Variants in BMP8B observed in about 807,000 individuals in gnomAD.
BMP8B encodes bone morphogenetic protein 8b.
In BMP8B, 17 loss-of-function variants were observed where a neutral mutation model predicts 30.3. That is an observed-to-expected ratio of 0.56 (90% CI 0.38 to 0.84). The LOEUF (loss-of-function observed/expected upper bound fraction) is 0.84, where lower values mean the gene tolerates loss of function less well. Ranked by LOEUF, BMP8B falls within the 40% of genes least tolerant of loss-of-function variation. The pLI, the probability that BMP8B is intolerant of heterozygous loss-of-function variation, is 0.00. For missense variants in BMP8B, 253 were observed against 494.6 expected, an observed-to-expected ratio of 0.51 and a Z score of 4.63; for synonymous variants, 131 against 214.7, an observed-to-expected ratio of 0.61 and a Z score of 3.41.
At chr1:39,783,261 A>G (rs977493370) in intron 1 of BMP8B, among the ~76,000 whole-genome samples, 4 of 152,066 alleles carry the variant, frequency 2.6e-5, no homozygotes, top group Non-Finnish European at 5.9e-5. Context: ...TACCTTTCAT[A>G]TCTGCTCCTG....
intron 1 of BMP8B, among the ~76,000 whole-genome samples, chr1:39,777,457 A>C (rs1650309636): frequency 6.6e-6 from 1 of 152,138 alleles, no homozygotes; most frequent in African/African-American, 2.4e-5. Context: ...CAAACTTCGG[A>C]AGCAACCCCA....
chr1:39,769,455 CGG>C lies in BMP8B; in HGVS notation c.674-4640_674-4639del, dbSNP rs1649797034. 6.9e-6 allele frequency: 3 copies of C among 435,018 alleles called. No individual in the cohort carries two copies. In the Admixed American group the frequency reaches 1.2e-4, roughly 18 times the overall value. 26.9% of individuals were successfully genotyped at this position (435,018 alleles called of 1,614,324 possible). A position where few individuals can be genotyped will look rare whatever the true frequency, so the allele number is the denominator to read the frequency against. On this transcript the variant is annotated intron_variant, in intron 3 of 6. Coordinates refer to ENST00000372827, the MANE Select transcript of BMP8B (RefSeq NM_001720.5). ...TCTGTGTAAACATCACAGAGCAAAG[CGG>C]ACATCCATTCCTCACCACTGCAGAC...
chr1:39,759,734 T>G lies in BMP8B; in HGVS notation c.*685A>C, dbSNP rs1648687279. On this transcript the variant is annotated 3_prime_UTR_variant, in exon 7 of 7. Transcript: ENST00000372827. ...TCTCCAAAGTAAAATGTCCATGCTCTTACATGTCTTTCCTAGATGGCAGAG... is the reference window on the plus strand; with the variant it reads ...TCTCCAAAGTAAAATGTCCATGCTCGTACATGTCTTTCCTAGATGGCAGAG... 6.6e-6 allele frequency: 1 copy of G among 152,272 alleles called. No homozygotes were observed. Among genetic ancestry groups the G allele is most frequent in the Non-Finnish European group, 1.5e-5 (1 of 68,088 alleles). 9.4% of individuals were successfully genotyped at this position (152,272 alleles called of 1,614,324 possible).
intron 6 of BMP8B, 71 bp downstream of exon 6, chr1:39,763,021 C>T (rs879514724): frequency 1.0e-4 from 159 of 1,559,994 alleles, no homozygotes; most frequent in Middle Eastern, 6.7e-4. Flanking sequence ...CCCTCCCAGC[C>T]AGCTGGACCA....
At chr1:39,760,739 C>T (rs1648844029) in intron 6 of BMP8B, among the ~76,000 whole-genome samples, 171 bp from the exon 7 acceptor site, 1 of 152,088 alleles carries the variant, frequency 6.6e-6, no homozygotes, top group African/African-American at 2.4e-5. Context: ...CTCAAGGCTC[C>T]AGGAGTGGGA....
At position 39,757,898 on chromosome 1, in the gene BMP8B, G is replaced by C. The variant is rs1015642588; in HGVS notation, c.*2521C>G. 6.6e-6 allele frequency: 1 copy of C among 152,228 alleles called. No individual in the cohort carries two copies. The highest frequency in any genetic ancestry group is 1.5e-5 in the Non-Finnish European group (1 of 68,042). 9.4% of individuals were successfully genotyped at this position (152,228 alleles called of 1,614,324 possible). ...GACTATCTGGATGATAAAAGTTGCTGAAAGTCTGATGGCCAACTAGGTAGA... is the reference window on the plus strand; with the variant it reads ...GACTATCTGGATGATAAAAGTTGCTCAAAGTCTGATGGCCAACTAGGTAGA... On this transcript the variant is annotated 3_prime_UTR_variant, in exon 7 of 7. Coordinates refer to ENST00000372827, the MANE Select transcript of BMP8B (RefSeq NM_001720.5).
chr1:39,775,528 C>T (rs1650165261), intron 1 of BMP8B, among the ~76,000 whole-genome samples: 1 of 152,226 alleles, frequency 6.6e-6, no homozygotes, highest in Non-Finnish European at 1.5e-5. Flanking sequence ...CTGCCCACTG[C>T]CTGGATGGGA....
In BMP8B at chr1:39,788,011, A is replaced by G; in HGVS notation, c.334+141T>C. On this transcript the variant is annotated intron_variant, in intron 1 of 6. Transcript: ENST00000372827. The surrounding 1 kb of genome is among the most constrained non-coding windows in gnomAD (Gnocchi z 5.8). Reference sequence around the variant, plus strand: ...CATGACCCTTAGACCTTCCCTAACCACGGCGGTCCCACTCCCCTGTGGTTC... The same window carrying G: ...CATGACCCTTAGACCTTCCCTAACCGCGGCGGTCCCACTCCCCTGTGGTTC... 1.5e-6 allele frequency: 2 copies of G among 1,311,346 alleles called. No homozygotes were observed. Among genetic ancestry groups the G allele is most frequent in the Non-Finnish European group, 2.0e-6 (2 of 1,023,870 alleles). The allele number at this position is 1,311,346 out of a possible 1,614,324, so 81.2% of individuals were successfully genotyped here.
chr1:39,765,578 GA>G (rs1649560646), intron 3 of BMP8B, among the ~76,000 whole-genome samples: 1 of 87,598 alleles, frequency 1.1e-5, no homozygotes, highest in Admixed American at 1.2e-4. Flanking sequence ...TCAGCCCCAG[GA>G]GGAGTGAAGC....
In BMP8B at chr1:39,757,539, C is replaced by T. The variant is rs1557462850; in HGVS notation, c.*2880G>A. 6.6e-6 allele frequency: 1 copy of T among 152,288 alleles called. No individual in the cohort carries two copies. The highest frequency in any genetic ancestry group is 1.5e-5 in the Non-Finnish European group (1 of 68,062). The allele number at this position is 152,288 out of a possible 1,614,324, so 9.4% of individuals were successfully genotyped here. ...TGACTTGGCCTCAAGGCCAGTATTGCACCGCAAGGACCAAGACTGCTGGGC... is the reference window on the plus strand; with the variant it reads ...TGACTTGGCCTCAAGGCCAGTATTGTACCGCAAGGACCAAGACTGCTGGGC... On this transcript the variant is annotated 3_prime_UTR_variant, in exon 7 of 7. Coordinates refer to ENST00000372827, the MANE Select transcript of BMP8B (RefSeq NM_001720.5).
chr1:39,762,996 C>T, intron 6 of BMP8B, 96 bp downstream of exon 6: 6 of 1,430,756 alleles, frequency 4.2e-6, no homozygotes, highest in Non-Finnish European at 5.9e-6. Context: ...AGACGCGGAG[C>T]AGGTGGCCTC....
At chr1:39,770,475 C>A (rs1386288246) in intron 3 of BMP8B, 1 of 1,610,250 alleles carries the variant, frequency 6.2e-7, no homozygotes, top group Non-Finnish European at 8.5e-7. Flanking sequence ...ATGTTAGGAA[C>A]GTGGATGTCT....
chr1:39,788,036 C>T lies in BMP8B; in HGVS notation c.334+116G>A. The T allele has an allele frequency of 7.4e-6, 10 of 1,351,662 alleles. No homozygotes were observed. The highest frequency in any genetic ancestry group is 3.3e-5 in the South Asian group (2 of 60,142). 83.7% of individuals were successfully genotyped at this position (1,351,662 alleles called of 1,614,324 possible). A position where few individuals can be genotyped will look rare whatever the true frequency, so the allele number is the denominator to read the frequency against. ...ACGGCGGTCCCACTCCCCTGTGGTT[C>T]GCGTCCACCGTCTGTGACTCCCCGT... is the stretch of plus-strand genomic sequence containing the variant. On this transcript the variant is annotated intron_variant, in intron 1 of 6. Transcript: ENST00000372827. The surrounding 1 kb of genome is among the most constrained non-coding windows in gnomAD (Gnocchi z 5.8).
chr1:39,762,984 T>G (rs1649213766), intron 6 of BMP8B, 108 bp downstream of exon 6: 15 of 1,186,702 alleles, frequency 1.3e-5, no homozygotes, highest in Non-Finnish European at 1.6e-5. Flanking sequence ...CAAAGCCCCC[T>G]GAGACGCGGA....
At chr1:39,787,408 G>GA (rs539276281) in intron 1 of BMP8B, among the ~76,000 whole-genome samples, 110 of 152,098 alleles carry the variant, frequency 7.2e-4, no homozygotes, top group Non-Finnish European at 1.9e-4. Flanking sequence ...TTTAGTACTG[G>GA]AAAAAAAATC....
chr1:39,775,768 G>A (rs1487169313), intron 1 of BMP8B, among the ~76,000 whole-genome samples: 4 of 152,268 alleles, frequency 2.6e-5, no homozygotes, highest in African/African-American at 9.6e-5. Flanking sequence ...GGAGGGAAAC[G>A]TGGAAAGGAA....
rs1649469178 is a variant in BMP8B, at chr1:39,764,624, A to AAAG, written c.864_866dup (p.Phe289dup). ...GGCCCCAGCCTGCCCGACCCTCACC[A>AAAG]AAGATCCCTGGGAGTCGGTTGGCCT... is the stretch of plus-strand genomic sequence containing the variant. On this transcript the variant is annotated inframe_insertion and splice_region_variant, in exon 4 of 7. Coordinates refer to ENST00000372827, the MANE Select transcript of BMP8B (RefSeq NM_001720.5). The AAAG allele has an allele frequency of 6.2e-7, 1 of 1,612,732 alleles. No homozygotes were observed. The highest frequency in any genetic ancestry group is 8.5e-7 in the Non-Finnish European group (1 of 1,179,506).
At chr1:39,762,156 T>C (rs1459021324) in intron 6 of BMP8B, among the ~76,000 whole-genome samples, 1 of 152,224 alleles carries the variant, frequency 6.6e-6, no homozygotes, top group African/African-American at 2.4e-5. Flanking sequence ...GGAAGCATTA[T>C]CATAGGCTCA....
In BMP8B at chr1:39,757,772, T is replaced by C. The variant is rs180705828; in HGVS notation, c.*2647A>G. 1 of 152,386 alleles carries C rather than the reference T, an allele frequency of 6.6e-6. No individual in the cohort carries two copies. The highest frequency in any genetic ancestry group is 2.4e-5 in the African/African-American group (1 of 41,592). 9.4% of individuals were successfully genotyped at this position (152,386 alleles called of 1,614,324 possible). On this transcript the variant is annotated 3_prime_UTR_variant, in exon 7 of 7. Coordinates refer to ENST00000372827, the MANE Select transcript of BMP8B (RefSeq NM_001720.5). ...CTGGGCCACCCACTGCAGATGCACA[T>C]GCTTGGCTCAGCAAACGGATAAGGA...
Sources: gnomAD v4.1 joint callset for allele counts (sites outside exome capture counted in the v4.1 genomes callset) on GRCh38, gnomAD v4.1.1 for gene constraint, Gnocchi (gnomAD v3.1) non-coding constraint, MANE v1.5 for transcripts, NCBI Gene and HGNC (gene_info 2026-07-23, HGNC 2026-07-21) for gene names.